The following THOC2 variants were observed in gnomAD, a reference collection of about 807,000 sequenced individuals.
The protein encoded by THOC2 is THO complex 2.
Under a neutral mutation model 128.4 loss-of-function variants are expected in THOC2, and 10 were observed. The observed-to-expected ratio is 0.08, with a 90% CI of 0.05 to 0.13. THOC2 has a LOEUF of 0.13. Ranked by LOEUF, THOC2 falls within the 10% of genes least tolerant of loss-of-function variation. The probability of loss-of-function intolerance (pLI) is 1.00; values close to 1 mark genes in which losing one functional copy is unlikely to be tolerated. For missense variants in THOC2, 535 were observed against 1,155.7 expected (o/e 0.46, Z 7.79); for synonymous variants, 393 against 396.9 (o/e 0.99, Z 0.12).
intron 4 of THOC2, among the ~76,000 whole-genome samples, chrX:123,698,089 TAAA>T (rs745532091): frequency 1.2e-5 from 1 of 85,367 alleles, no homozygotes; most frequent in Non-Finnish European, 2.4e-5. Flanking sequence ...TCAGAGATGC[TAAA>T]AAAAAAAAAA....
At chrX:123,705,793 A>G (rs1234308625) in intron 3 of THOC2, among the ~76,000 whole-genome samples, 1 of 111,315 alleles carries the variant, frequency 9.0e-6, no homozygotes, top group African/African-American at 3.3e-5. Flanking sequence ...ACACAGTAAG[A>G]GAAGTTCAGA....
At position 123,621,172 on chromosome X, in the gene THOC2, G is replaced by T; in HGVS notation, c.4201C>A (p.Pro1401Thr). The change falls in exon 31 of 39, where the codon CCA (proline) becomes ACA (threonine). Residue 1401 changes from proline (P) to threonine (T), a missense_variant. Physicochemically the swap from Pro to Thr is conservative, Grantham distance 38. This residue lies in a region of THOC2 where 116 missense variants were observed against 180.0 expected (regional missense o/e 0.64). Coordinates refer to ENST00000245838, the MANE Select transcript of THOC2 (RefSeq NM_001081550.2). ...GTAAACTTGCCCCTTTCAGGCTCTG[G>T]AATATCTGATCTGGGAACAGGTGAT... ...LKSPVPRSDIPEPEREQKRRK... is the reference protein window; with the variant it reads ...LKSPVPRSDITEPEREQKRRK... 1 of 1,202,395 alleles carries T rather than the reference G, an allele frequency of 8.3e-7. No individual in the cohort carries two copies. Among genetic ancestry groups the T allele is most frequent in the Non-Finnish European group, 1.1e-6 (1 of 892,390 alleles).
intron 3 of THOC2, among the ~76,000 whole-genome samples, chrX:123,706,586 A>C (rs1209377262): frequency 1.1e-5 from 1 of 93,366 alleles, no homozygotes; most frequent in African/African-American, 4.2e-5. Context: ...CTACCAGCTT[A>C]CCTGATATTT....
In THOC2 at chrX:123,636,134, T is replaced by C. The variant is rs778934137; in HGVS notation, c.1963A>G (p.Ile655Val). 2.5e-6 allele frequency: 3 copies of C among 1,210,170 alleles called. No individual in the cohort carries two copies. The highest frequency in any genetic ancestry group is 2.2e-5 in the Admixed American group (1 of 45,943). Reference sequence around the variant, plus strand: ...TACTGAAGAAGACCAGCAAGATCAATTGGATATTTACGAAAAACTGCACCA... The same window carrying C: ...TACTGAAGAAGACCAGCAAGATCAACTGGATATTTACGAAAAACTGCACCA... Reference protein sequence around the residue: ...FCGAVFRKYPIDLAGLLQYVA... With the variant: ...FCGAVFRKYPVDLAGLLQYVA... The change falls in exon 19 of 39, where the codon ATT becomes GTT. Residue 655 changes from isoleucine to valine, a missense_variant. Transcript: ENST00000245838.
At chrX:123,649,024 A>G (rs760898802) in intron 12 of THOC2, among the ~76,000 whole-genome samples, 52 of 112,157 alleles carry the variant, frequency 4.6e-4, no homozygotes, top group African/African-American at 1.6e-3. Flanking sequence ...TGACTGAGAG[A>G]CACTTCCCAG....
chrX:123,641,530 G>C (rs755848930), intron 15 of THOC2, among the ~76,000 whole-genome samples: 78 of 111,524 alleles, frequency 7.0e-4, no homozygotes, highest in Non-Finnish European at 1.2e-3. Flanking sequence ...ATAGAAAAGA[G>C]AGACCATTAG....
intron 12 of THOC2, among the ~76,000 whole-genome samples, chrX:123,647,840 CA>C (rs60123342): frequency 0.31 from 11,568 of 36,848 alleles, 539 homozygotes; most frequent in East Asian, 0.53. Context: ...GACTCTGTCT[CA>C]AAAAAAAAAA....
chrX:123,699,235 A>G (rs2050589158), intron 4 of THOC2, among the ~76,000 whole-genome samples: 1 of 112,119 alleles, frequency 8.9e-6, no homozygotes, highest in Non-Finnish European at 1.9e-5. Context: ...TGTCATCTAC[A>G]TGTTCTACTG....
At chrX:123,657,832 AAAAG>A (rs1048194836) in intron 12 of THOC2, among the ~76,000 whole-genome samples, 1 of 112,154 alleles carries the variant, frequency 8.9e-6, no homozygotes, top group African/African-American at 3.2e-5. Context: ...AACAAACAAA[AAAAG>A]AAACACTGAA....
intron 30 of THOC2, among the ~76,000 whole-genome samples, chrX:123,622,201 C>T (rs1006497555): frequency 1.8e-4 from 20 of 111,341 alleles, no homozygotes; most frequent in African/African-American, 6.2e-4. Flanking sequence ...AGTTTGAGAC[C>T]AGCCTGGTCA....
chrX:123,711,321 C>T (rs1478628881), intron 2 of THOC2, among the ~76,000 whole-genome samples: 1 of 107,701 alleles, frequency 9.3e-6, no homozygotes, highest in African/African-American at 3.4e-5. Context: ...CGTGAGCCAC[C>T]GCACCTGGCC....
chrX:123,684,527 G>A (rs1295341149), intron 8 of THOC2, among the ~76,000 whole-genome samples: 1 of 111,554 alleles, frequency 9.0e-6, no homozygotes, highest in Non-Finnish European at 1.9e-5. Flanking sequence ...GGGATTACAG[G>A]TGCCCGCCAC....
intron 12 of THOC2, among the ~76,000 whole-genome samples, chrX:123,647,008 A>G (rs1054671807): frequency 7.1e-5 from 8 of 112,118 alleles, no homozygotes; most frequent in African/African-American, 2.6e-4. Flanking sequence ...CATAGAAATA[A>G]AACATTTTCT....
At chrX:123,699,507 C>G (rs772438154) in intron 4 of THOC2, among the ~76,000 whole-genome samples, 1 of 111,814 alleles carries the variant, frequency 8.9e-6, no homozygotes, top group East Asian at 2.8e-4. Context: ...CCAATTGTTG[C>G]CCTGCTATCT....
intron 12 of THOC2, among the ~76,000 whole-genome samples, chrX:123,665,432 C>T (rs1444353075): frequency 1.8e-5 from 2 of 111,249 alleles, no homozygotes; most frequent in Non-Finnish European, 1.9e-5. Context: ...TGCACAATGA[C>T]GAATCACCTA....
chrX:123,609,261 G>A (rs2046607768), intron 38 of THOC2, among the ~76,000 whole-genome samples: 1 of 112,111 alleles, frequency 8.9e-6, no homozygotes, highest in East Asian at 2.8e-4. Flanking sequence ...AGGTTGGGAT[G>A]GGGGTAGGAG....
At chrX:123,648,239 T>C (rs1391541709) in intron 12 of THOC2, among the ~76,000 whole-genome samples, 1 of 111,737 alleles carries the variant, frequency 8.9e-6, no homozygotes, top group African/African-American at 3.2e-5. Context: ...AGGGAAGCCG[T>C]GAAGGACTGT....
At chrX:123,635,507 C>T (rs551448559) in intron 19 of THOC2, among the ~76,000 whole-genome samples, 194 of 111,667 alleles carry the variant, frequency 1.7e-3, no homozygotes, top group Middle Eastern at 9.2e-3. Context: ...CAGTTTACTT[C>T]TCATGAGGTT....
In THOC2 at chrX:123,636,266, C is replaced by T. The variant is rs759032988; in HGVS notation, c.1922-91G>A. ...AAACCTCTAAAACAAAATGAGGTAG[C>T]AATAATTGTATTGCTGATGCTGTTG... On this transcript the variant is annotated intron_variant, in intron 18 of 38. Transcript: ENST00000245838. 19 of 650,923 alleles carry T rather than the reference C, an allele frequency of 2.9e-5. No homozygotes were observed. In the South Asian group the frequency reaches 5.5e-4, roughly 19 times the overall value. 53.6% of individuals were successfully genotyped at this position (650,923 alleles called of 1,213,427 possible).
Sources: gnomAD v4.1 joint callset for allele counts (sites outside exome capture counted in the v4.1 genomes callset) on GRCh38, gnomAD v4.1.1 for gene constraint, gnomAD v4.1.1 regional missense constraint, MANE v1.5 for transcripts, NCBI Gene and HGNC (gene_info 2026-07-23, HGNC 2026-07-21) for gene names.